MARCHF6: variants seen among roughly 807,000 people sequenced by gnomAD.
MARCHF6 encodes the protein E3 ubiquitin-protein ligase MARCHF6.
In MARCHF6, 31 loss-of-function variants were observed where a neutral mutation model predicts 133.7. The observed-to-expected ratio is 0.23, with a 90% confidence interval of 0.17 to 0.31. The LOEUF is 0.31. Ranked by LOEUF, MARCHF6 falls within the 10% of genes least tolerant of loss-of-function variation. The pLI, the probability that MARCHF6 is intolerant of heterozygous loss-of-function variation, is 1.00. For missense variants in MARCHF6, 723 were observed against 1,121.6 expected, an observed-to-expected ratio of 0.64 and a Z score of 5.08; for synonymous variants, 395 against 402.5, an observed-to-expected ratio of 0.98 and a Z score of 0.22.
intron 23 of MARCHF6, among the ~76,000 whole-genome samples, chr5:10,424,265 TGGCAGATGC>T (rs1739967920): frequency 6.6e-6 from 1 of 152,042 alleles, no homozygotes; most frequent in Non-Finnish European, 1.5e-5. Flanking sequence ...AGCAAAAAAT[TGGCAGATGC>T]GGCTCCTTAG....
At chr5:10,355,422 T>C (rs1735393710) in intron 1 of MARCHF6, among the ~76,000 whole-genome samples, 1 of 152,226 alleles carries the variant, frequency 6.6e-6, no homozygotes, top group Non-Finnish European at 1.5e-5. Context: ...TCTCATTCTT[T>C]TGGCCTGGGC....
intron 25 of MARCHF6, among the ~76,000 whole-genome samples, chr5:10,430,769 G>T (rs1344237594): frequency 2.6e-5 from 4 of 152,222 alleles, no homozygotes; most frequent in Non-Finnish European, 4.4e-5. Flanking sequence ...AGGTTACTCT[G>T]AGGTTGCACA....
At chr5:10,423,668 C>T (rs1015300341) in intron 22 of MARCHF6, 67 bp from the exon 23 acceptor site, 5 of 1,006,352 alleles carry the variant, frequency 5.0e-6, no homozygotes, top group Non-Finnish European at 5.9e-6. Flanking sequence ...GAAAATTATA[C>T]AGCCTCTCTG....
In MARCHF6 at chr5:10,437,541, G is replaced by A. The variant is rs973476848; in HGVS notation, c.*3857G>A. The A allele has an allele frequency of 6.6e-6, 1 of 152,098 alleles. No individual in the cohort carries two copies. The highest frequency in any genetic ancestry group is 2.4e-5 in the African/African-American group (1 of 41,416). The allele number at this position is 152,098 out of a possible 1,614,324, so 9.4% of individuals were successfully genotyped here. The stretch of plus-strand genomic sequence containing the variant: ...CTGACAATATCTTTGGCATTAATAC[G>A]ACATAAAGACAAGACAGTATATGTA... On this transcript the variant is annotated 3_prime_UTR_variant, in exon 26 of 26. Coordinates refer to ENST00000274140, the MANE Select transcript of MARCHF6 (RefSeq NM_005885.4).
intron 22 of MARCHF6, among the ~76,000 whole-genome samples, chr5:10,417,616 T>A (rs1010611045): frequency 6.6e-6 from 1 of 150,620 alleles, no homozygotes; most frequent in East Asian, 2.0e-4. Context: ...TCCCAGCTGC[T>A]TGGGAGGCAA....
intron 5 of MARCHF6, among the ~76,000 whole-genome samples, chr5:10,388,123 C>T (rs1040825167): frequency 6.6e-6 from 1 of 152,160 alleles, no homozygotes; most frequent in Non-Finnish European, 1.5e-5. Flanking sequence ...TATTGGCAGG[C>T]TTCTTTTTCC....
chr5:10,396,927 A>G (rs564180596), intron 9 of MARCHF6, among the ~76,000 whole-genome samples: 1 of 152,364 alleles, frequency 6.6e-6, no homozygotes, highest in Admixed American at 6.5e-5. Context: ...GATGTTTACA[A>G]TTAATTTGGC....
chr5:10,433,524 A>G lies in MARCHF6; in HGVS notation c.2643-70A>G, dbSNP rs1022009892. ...CGAGTTTTAAGTAGGAGTTAGATTT[A>G]AAAAGACATATGAATGTTTTACTCT... On this transcript the variant is annotated intron_variant, in intron 25 of 25. Coordinates refer to ENST00000274140, the MANE Select transcript of MARCHF6 (RefSeq NM_005885.4). 3.9e-5 allele frequency: 47 copies of G among 1,204,668 alleles called. No individual in the cohort carries two copies. In the African/African-American group the frequency reaches 5.7e-4, roughly 15 times the overall value. The allele number at this position is 1,204,668 out of a possible 1,614,324, so 74.6% of individuals were successfully genotyped here.
intron 5 of MARCHF6, among the ~76,000 whole-genome samples, chr5:10,388,878 A>G (rs761308574): frequency 2.6e-5 from 4 of 152,230 alleles, no homozygotes; most frequent in Non-Finnish European, 5.9e-5. Context: ...TAAAATCTGT[A>G]ACAAACAGTT....
rs535629317 is a variant in MARCHF6 at position 10,375,858 on chromosome 5, T to C, written c.20-1940T>C. ...AACACACCAATCAGCACCCTGTGTTTAGCTCAAGGTTTGTGAGTGCACCAA... is the reference window on the plus strand; with the variant it reads ...AACACACCAATCAGCACCCTGTGTTCAGCTCAAGGTTTGTGAGTGCACCAA... On this transcript the variant is annotated intron_variant, in intron 1 of 25. Transcript: ENST00000274140. Among the ~76,000 whole-genome samples the C allele has an allele frequency of 2.0e-5, 3 of 152,260 alleles. No homozygotes were observed. The East Asian group carries it at 5.8e-4, about 29-fold the overall frequency.
In MARCHF6 at chr5:10,400,767, T is replaced by A. The variant is rs370655570; in HGVS notation, c.914-17T>A. 5 of 1,604,006 alleles carry A rather than the reference T, an allele frequency of 3.1e-6. No individual in the cohort carries two copies. ...TTTGATGTCGGAGTTTTCATGGAAT[T>A]TTTTCCCCCTTTTTAGCATTTTGCC... On this transcript the variant is annotated splice_polypyrimidine_tract_variant and intron_variant, in intron 10 of 25. Transcript: ENST00000274140.
chr5:10,429,479 A>G (rs1561153717), intron 24 of MARCHF6, among the ~76,000 whole-genome samples: 1 of 150,534 alleles, frequency 6.6e-6, no homozygotes, highest in South Asian at 2.1e-4. Flanking sequence ...GCTCCCTGCA[A>G]CCTCCACCTC....
intron 2 of MARCHF6, among the ~76,000 whole-genome samples, chr5:10,378,332 T>C (rs1001289988): frequency 3.3e-5 from 5 of 152,216 alleles, no homozygotes; most frequent in African/African-American, 7.2e-5. Context: ...GGAGTATTAT[T>C]ATTATGCAGA....
chr5:10,381,494 T>C (rs1377974388), intron 3 of MARCHF6, among the ~76,000 whole-genome samples: 1 of 152,246 alleles, frequency 6.6e-6, no homozygotes, highest in Non-Finnish European at 1.5e-5. Flanking sequence ...TGGTTGAATG[T>C]TAAAATGTGT....
intron 9 of MARCHF6, among the ~76,000 whole-genome samples, chr5:10,395,723 A>G (rs1033550984): frequency 6.6e-6 from 1 of 152,226 alleles, no homozygotes; most frequent in Non-Finnish European, 1.5e-5. Flanking sequence ...TGCTTGATCC[A>G]TAGGCCCAAC....
chr5:10,379,910 A>T (rs1183162838), intron 3 of MARCHF6, among the ~76,000 whole-genome samples: 1 of 152,052 alleles, frequency 6.6e-6, no homozygotes, highest in Non-Finnish European at 1.5e-5. Flanking sequence ...TTGGCCAAAC[A>T]AAGTTTTAAA....
rs1561086291 is a variant in MARCHF6 at position 10,353,884 on chromosome 5, G to C, written c.-15G>C. On this transcript the variant is annotated 5_prime_UTR_variant, in exon 1 of 26. Transcript: ENST00000274140. ...GGAGCCTCGTGGCTGCGTCACCGCC[G>C]CCCCCCCAGACAAGATGGACACCGC... 7.7e-6 allele frequency: 12 copies of C among 1,561,950 alleles called. No homozygotes were observed. The South Asian group carries it at 1.3e-4, about 17-fold the overall frequency.
intron 4 of MARCHF6, among the ~76,000 whole-genome samples, chr5:10,386,515 G>T (rs1378070587): frequency 1.3e-5 from 2 of 152,184 alleles, no homozygotes; most frequent in Non-Finnish European, 2.9e-5. Context: ...GTGAATCTGT[G>T]CTTTTAAAAT....
At chr5:10,382,639 C>G (rs1224191545) in intron 4 of MARCHF6, among the ~76,000 whole-genome samples, 1 of 152,042 alleles carries the variant, frequency 6.6e-6, no homozygotes, top group Non-Finnish European at 1.5e-5. Flanking sequence ...TCCAGCTGAC[C>G]AACAAGGTGA....
Sources: gnomAD v4.1 joint callset for allele counts (sites outside exome capture counted in the v4.1 genomes callset) on GRCh38, gnomAD v4.1.1 for gene constraint, MANE v1.5 for transcripts, NCBI Gene and HGNC (gene_info 2026-07-23, HGNC 2026-07-21) for gene names.